Variants in GRID1 observed in about 807,000 individuals in gnomAD.
GRID1 encodes the protein glutamate ionotropic receptor delta type subunit 1, also known as glutamate receptor ionotropic, delta-1.
In GRID1, 28 loss-of-function variants were observed where a neutral mutation model predicts 98.0. That is an observed-to-expected ratio of 0.29 (90% CI 0.21 to 0.39). The LOEUF is 0.39. GRID1 is among the 10% of genes least tolerant of loss of function. GRID1 has a pLI of 1.00. For missense variants in GRID1, 1,111 were observed against 1,340.5 expected (o/e 0.83, Z 2.67); for synonymous variants, 553 against 538.5 (o/e 1.03, Z -0.37).
At chr10:86,272,766 A>G (rs138731099) in intron 2 of GRID1, among the ~76,000 whole-genome samples, 10 of 152,342 alleles carry the variant, frequency 6.6e-5, no homozygotes, top group South Asian at 4.1e-4. Flanking sequence ...GGAAAGTGGT[A>G]CACTCAAAAG....
intron 12 of GRID1, among the ~76,000 whole-genome samples, chr10:85,662,796 T>G (rs756241319): frequency 6.6e-5 from 10 of 152,228 alleles, no homozygotes; most frequent in Non-Finnish European, 1.0e-4. Context: ...GGATGAATTC[T>G]GACCATGAAG....
At chr10:86,343,735 A>T (rs574736709) in intron 2 of GRID1, among the ~76,000 whole-genome samples, 162 of 152,328 alleles carry the variant, frequency 1.1e-3, no homozygotes, top group African/African-American at 3.6e-3. Flanking sequence ...ACATCTCCCT[A>T]GTGAACCATG....
rs562648873 is a variant in GRID1, at chr10:85,975,080, T to G, written c.727-58841A>C. Among the ~76,000 whole-genome samples the G allele has an allele frequency of 5.9e-5, 9 of 152,368 alleles. No individual in the cohort carries two copies. In the East Asian group the frequency reaches 1.3e-3, roughly 23 times the overall value. ...CCAGAGCCTCATGCAAATCTAAATA[T>G]GCCACCTTAGACATTCCCATTCTCA... On this transcript the variant is annotated intron_variant, in intron 4 of 15. Transcript: ENST00000327946.
chr10:85,604,833 G>A (rs1453973660), intron 15 of GRID1, among the ~76,000 whole-genome samples: 2 of 152,152 alleles, frequency 1.3e-5, no homozygotes, highest in Admixed American at 6.5e-5. Context: ...GTGTGTTAGT[G>A]GCTTAGCGCC....
In GRID1 at chr10:86,206,747, CT is replaced by C; in HGVS notation, c.236-100del. The stretch of plus-strand genomic sequence containing the variant: ...CATGCCTGGCAGCTCATGCCCAGGA[CT>C]CCCAAGAGAGGCTGCCTCCCTCCAG... On this transcript the variant is annotated intron_variant, in intron 2 of 15. Coordinates refer to ENST00000327946, the MANE Select transcript of GRID1 (RefSeq NM_017551.3). This position sits in a 1 kb window ranked among gnomAD's most constrained non-coding sequence, Gnocchi z 4.1. 8.6e-7 allele frequency: 1 copy of C among 1,162,886 alleles called. No homozygotes were observed. The highest frequency in any genetic ancestry group is 1.2e-6 in the Non-Finnish European group (1 of 824,858). 72.0% of individuals were successfully genotyped at this position (1,162,886 alleles called of 1,614,324 possible).
chr10:86,321,467 A>T (rs894361995), intron 2 of GRID1, among the ~76,000 whole-genome samples: 2 of 152,160 alleles, frequency 1.3e-5, no homozygotes, highest in African/African-American at 4.8e-5. Context: ...CAGGAGCTGG[A>T]TTTTTTAAAA....
intron 2 of GRID1, among the ~76,000 whole-genome samples, chr10:86,274,352 C>A (rs565392049): frequency 7.9e-5 from 12 of 152,300 alleles, no homozygotes; most frequent in South Asian, 6.2e-4. Context: ...CGTGATGCCT[C>A]CAGCTTTGTT....
At chr10:86,057,283 T>C (rs1428550401) in intron 4 of GRID1, among the ~76,000 whole-genome samples, 1 of 152,186 alleles carries the variant, frequency 6.6e-6, no homozygotes, top group African/African-American at 2.4e-5. Flanking sequence ...TTCACAGAAG[T>C]CACCTAGGAT....
intron 4 of GRID1, among the ~76,000 whole-genome samples, chr10:86,114,301 T>A (rs1424193654): frequency 6.6e-6 from 1 of 152,038 alleles, no homozygotes; most frequent in African/African-American, 2.4e-5. Flanking sequence ...ACTAACCTTG[T>A]GGTCTATGCT....
Position 85,729,565 on chromosome 10 carries a change from C to T in GRID1, c.1283G>A (p.Arg428Lys), listed in dbSNP as rs775270333. The T allele has an allele frequency of 4.3e-6, 7 of 1,613,210 alleles. No individual in the cohort carries two copies. The highest frequency in any genetic ancestry group is 1.7e-5 in the Admixed American group (1 of 59,992). Reference sequence around the variant, plus strand: ...TCCTTGGAGGCGGCTGCCCATGGGCCTCTCTTGCAAGCTGCCATTCAAGCC... The same window carrying T: ...TCCTTGGAGGCGGCTGCCCATGGGCTTCTCTTGCAAGCTGCCATTCAAGCC... The part of the protein sequence containing the change: ...EKGLNGSLQE[R>K]PMGSRLQGLT... The change falls in exon 9 of 16, where the codon AGG becomes AAG. Residue 428 changes from arginine (R) to lysine (K), a missense_variant. Coordinates refer to ENST00000327946, the MANE Select transcript of GRID1 (RefSeq NM_017551.3).
At chr10:85,665,740 C>T (rs187116212) in intron 12 of GRID1, among the ~76,000 whole-genome samples, 9 of 152,258 alleles carry the variant, frequency 5.9e-5, no homozygotes, top group Non-Finnish European at 1.2e-4. Context: ...TTTTCTCTCC[C>T]TTCGTGATAT....
chr10:86,035,301 C>T (rs117711043), intron 4 of GRID1, among the ~76,000 whole-genome samples: 1,752 of 152,352 alleles, frequency 0.011, 9 homozygotes, highest in Non-Finnish European at 0.017. Context: ...TTTCTAATCT[C>T]TTCCTTAGTC....
chr10:85,647,143 G>A (rs921305493), intron 13 of GRID1, 59 bp downstream of exon 13: 115 of 1,405,470 alleles, frequency 8.2e-5, no homozygotes, highest in Non-Finnish European at 1.1e-4. Context: ...CCCACCTGGG[G>A]GCTGACCACC....
Position 86,153,195 on chromosome 10 carries a change from G to A in GRID1, c.521-14171C>T, listed in dbSNP as rs1016483653. On this transcript the variant is annotated intron_variant, in intron 3 of 15. Coordinates refer to ENST00000327946, the MANE Select transcript of GRID1 (RefSeq NM_017551.3). ...CTCCACCCCATGCCTGAGTCTGGGT[G>A]CAAAGGAAGGCCTCCCTGACTGACA... Among the ~76,000 whole-genome samples the A allele has an allele frequency of 3.9e-5, 6 of 152,228 alleles. No homozygotes were observed. The East Asian group carries it at 7.7e-4, about 20-fold the overall frequency.
At chr10:85,649,327 A>G (rs1326818080) in intron 12 of GRID1, among the ~76,000 whole-genome samples, 3 of 152,242 alleles carry the variant, frequency 2.0e-5, no homozygotes, top group Non-Finnish European at 4.4e-5. Context: ...GTTTCAATAC[A>G]TTACAGATGA....
At chr10:86,006,901 G>A (rs577013115) in intron 4 of GRID1, among the ~76,000 whole-genome samples, 168 of 152,030 alleles carry the variant, frequency 1.1e-3, no homozygotes, top group Non-Finnish European at 1.9e-3. Flanking sequence ...GGAAGCTGGC[G>A]GTGGTGGGGT....
intron 8 of GRID1, among the ~76,000 whole-genome samples, chr10:85,805,855 A>G (rs1035046035): frequency 6.6e-6 from 1 of 152,000 alleles, no homozygotes; most frequent in African/African-American, 2.4e-5. Flanking sequence ...CCAGAAAAGT[A>G]AAACATAAAA....
At chr10:85,689,264 G>C (rs1841306319) in intron 12 of GRID1, among the ~76,000 whole-genome samples, 1 of 152,100 alleles carries the variant, frequency 6.6e-6, no homozygotes, top group African/African-American at 2.4e-5. Flanking sequence ...TAAGGAAAGA[G>C]CCAGGAACAA....
At chr10:85,653,263 T>A (rs1840851904) in intron 12 of GRID1, among the ~76,000 whole-genome samples, 1 of 152,228 alleles carries the variant, frequency 6.6e-6, no homozygotes, top group Non-Finnish European at 1.5e-5. Flanking sequence ...TGAAGATTAA[T>A]AAAGCAGAGC....
Sources: allele counts gnomAD v4.1 joint callset (sites outside exome capture counted in the v4.1 genomes callset), GRCh38; gene constraint gnomAD v4.1.1; non-coding constraint Gnocchi (gnomAD v3.1); transcripts MANE v1.5; gene names NCBI Gene and HGNC (gene_info 2026-07-23, HGNC 2026-07-21).